Variants in SCAI observed in about 807,000 individuals in gnomAD.
SCAI encodes the protein protein SCAI.
A neutral mutation model predicts 92.2 loss-of-function variants in SCAI; 24 were observed. The ratio of observed to expected loss-of-function variants is 0.26; its 90% CI spans 0.19 to 0.37. The LOEUF (loss-of-function observed/expected upper bound fraction) is 0.37, where lower values mean the gene tolerates loss of function less well. SCAI is among the 10% of genes least tolerant of loss of function. The probability of loss-of-function intolerance (pLI) is 1.00; values close to 1 mark genes in which losing one functional copy is unlikely to be tolerated. For missense variants in SCAI, 450 were observed against 736.2 expected (o/e 0.61, Z 4.50); for synonymous variants, 261 against 258.6 (o/e 1.01, Z -0.09).
At chr9:125,131,938 G>A (rs578197343) in intron 2 of SCAI, among the ~76,000 whole-genome samples, 1 of 152,152 alleles carries the variant, frequency 6.6e-6, no homozygotes, top group East Asian at 1.9e-4. Flanking sequence ...CCTGTCTGAC[G>A]GCTACCTACA....
intron 6 of SCAI, 56 bp from the exon 7 acceptor site, chr9:125,020,825 T>A: frequency 2.6e-6 from 2 of 763,954 alleles, no homozygotes; most frequent in East Asian, 2.9e-5. Context: ...GCTTTTTGAT[T>A]TTTTTAATTT....
chr9:125,046,568 G>T (rs1295395210), intron 3 of SCAI, among the ~76,000 whole-genome samples: 1 of 150,534 alleles, frequency 6.6e-6, no homozygotes, highest in Non-Finnish European at 1.5e-5. Context: ...GGTAGGAGGG[G>T]CGTGAGGAAC....
chr9:125,092,958 T>C (rs886422528), intron 2 of SCAI, among the ~76,000 whole-genome samples: 9 of 152,240 alleles, frequency 5.9e-5, no homozygotes, highest in Non-Finnish European at 1.5e-5. Context: ...AGTTCCATAC[T>C]GGTAAATCCA....
At chr9:125,035,233 G>A (rs1833167971) in intron 3 of SCAI, among the ~76,000 whole-genome samples, 5 of 152,088 alleles carry the variant, frequency 3.3e-5, no homozygotes, top group Admixed American at 3.3e-4. Context: ...GCATGCACCT[G>A]TGGTCCCAGC....
chr9:125,037,979 C>T (rs1372082761), intron 3 of SCAI, among the ~76,000 whole-genome samples: 1 of 150,416 alleles, frequency 6.6e-6, no homozygotes, highest in Non-Finnish European at 1.5e-5. Flanking sequence ...AATAACAGGT[C>T]AGTGCAGTGG....
chr9:125,061,080 G>A (rs773354301), intron 2 of SCAI, among the ~76,000 whole-genome samples: 6 of 151,594 alleles, frequency 4.0e-5, no homozygotes, highest in Admixed American at 6.6e-5. Flanking sequence ...GGCAGATCAT[G>A]AGGTCAGGAG....
intron 17 of SCAI, among the ~76,000 whole-genome samples, chr9:124,965,661 C>A (rs1831525784): frequency 6.6e-6 from 1 of 152,202 alleles, no homozygotes; most frequent in African/African-American, 2.4e-5. Flanking sequence ...GATGGCTTCA[C>A]AAATTTTCTT....
At chr9:125,099,158 A>G (rs896278730) in intron 2 of SCAI, among the ~76,000 whole-genome samples, 1 of 152,224 alleles carries the variant, frequency 6.6e-6, no homozygotes, top group East Asian at 1.9e-4. Flanking sequence ...GGCATCCTTT[A>G]GGAATTTTAA....
At chr9:124,968,239 T>C (rs1454312856) in intron 17 of SCAI, 9 of 1,032,966 alleles carry the variant, frequency 8.7e-6, no homozygotes, top group Admixed American at 2.0e-5. Context: ...AGCTGCATAA[T>C]GAAGCTGGGG....
chr9:125,096,962 C>T (rs1433105410), intron 2 of SCAI, among the ~76,000 whole-genome samples: 3 of 152,102 alleles, frequency 2.0e-5, no homozygotes, highest in Admixed American at 6.6e-5. Context: ...TATAACTTAA[C>T]GTTTAAATAA....
intron 2 of SCAI, among the ~76,000 whole-genome samples, chr9:125,136,458 T>TTC (rs1835531802): frequency 7.4e-6 from 1 of 135,360 alleles, no homozygotes; most frequent in Non-Finnish European, 1.6e-5. Context: ...ATACCTTTCT[T>TTC]TTTTTTTTTT....
At chr9:125,061,206 A>AG (rs2131145125) in intron 2 of SCAI, among the ~76,000 whole-genome samples, 1 of 152,336 alleles carries the variant, frequency 6.6e-6, no homozygotes, top group Admixed American at 6.5e-5. Flanking sequence ...CTGAGGCAGG[A>AG]AAATGGCATG....
chr9:124,955,059 T>G (rs2131570941), intron 17 of SCAI, among the ~76,000 whole-genome samples: 1 of 151,688 alleles, frequency 6.6e-6, no homozygotes, highest in Middle Eastern at 3.4e-3. Context: ...ACCCAGCTAC[T>G]TGAGAGGGTG....
chr9:124,987,871 G>C (rs1185572557), intron 14 of SCAI, among the ~76,000 whole-genome samples: 1 of 152,090 alleles, frequency 6.6e-6, no homozygotes, highest in Non-Finnish European at 1.5e-5. Flanking sequence ...GCTAAGGCAG[G>C]AGAATCGCTT....
rs1831205413 is a variant in SCAI at position 124,949,825 on chromosome 9, G to T, written c.*2982C>A. 6.6e-6 allele frequency: 1 copy of T among 152,086 alleles called. No individual in the cohort carries two copies. Among genetic ancestry groups the T allele is most frequent in the Non-Finnish European group, 1.5e-5 (1 of 68,028 alleles). 9.4% of individuals were successfully genotyped at this position (152,086 alleles called of 1,614,324 possible). ...AGTCTATTTTGTTTGCTTCCCCAAT[G>T]CCCAGAAGAAAATCTGGAGTATAGT... On this transcript the variant is annotated 3_prime_UTR_variant, in exon 18 of 18. Transcript: ENST00000336505. This position sits in a 1 kb window ranked among gnomAD's most constrained non-coding sequence, Gnocchi z 4.0.
At position 124,952,904 on chromosome 9, in the gene SCAI, GT is replaced by G; in HGVS notation, c.1723del (p.Thr575GlnfsTer14). The G allele has an allele frequency of 6.2e-7, 1 of 1,613,230 alleles. No individual in the cohort carries two copies. Reference protein sequence around the residue: ...ESYPQLPRDETVENPHLQKHI... With the variant: ...ESYPQLPRDEXVENPHLQKHI... The stretch of plus-strand genomic sequence containing the variant: ...CTTCTGGAGATGAGGATTCTCCACT[GT>G]TTCATCCCTTGGCAGTTGTGGATAT... On this transcript the variant is annotated frameshift_variant, in exon 18 of 18. Transcript: ENST00000336505. LOFTEE classifies it high-confidence loss of function.
In SCAI at chr9:125,101,820, G is replaced by A. The variant is rs1416019104; in HGVS notation, c.98+40813C>T. ...GTGTTTGTTAACAGTTGCTATGAAA[G>A]AGCAGGGAAAATGTCAGTCAGCTAA... On this transcript the variant is annotated intron_variant, in intron 2 of 17. Coordinates refer to ENST00000336505, the MANE Select transcript of SCAI (RefSeq NM_001144877.3). 7.9e-5 allele frequency among the ~76,000 whole-genome samples: 12 copies of A among 152,200 alleles called. No homozygotes were observed. In the East Asian group the frequency reaches 2.3e-3, roughly 29 times the overall value.
At chr9:125,122,141 T>G (rs1835167751) in intron 2 of SCAI, among the ~76,000 whole-genome samples, 1 of 152,198 alleles carries the variant, frequency 6.6e-6, no homozygotes, top group Non-Finnish European at 1.5e-5. Context: ...CTAAGAAATT[T>G]TTAAGGACTT....
chr9:125,083,084 C>T lies in SCAI; in HGVS notation c.99-27077G>A, dbSNP rs117339018. On this transcript the variant is annotated intron_variant, in intron 2 of 17. Coordinates refer to ENST00000336505, the MANE Select transcript of SCAI (RefSeq NM_001144877.3). ...ATTCCCATGTGTTGTGGGAGGGACC[C>T]GGATGTAACTGAATGAATGGGGGCA... 0.019 allele frequency among the ~76,000 whole-genome samples: 2,962 copies of T among 152,182 alleles called. 158 individuals carry two copies. The East Asian group carries it at 0.23, about 12-fold the overall frequency.
Sources: allele counts gnomAD v4.1 joint callset (sites outside exome capture counted in the v4.1 genomes callset), GRCh38; gene constraint gnomAD v4.1.1; non-coding constraint Gnocchi (gnomAD v3.1); transcripts MANE v1.5; gene names NCBI Gene and HGNC (gene_info 2026-07-23, HGNC 2026-07-21).